Variants in FCRL6 observed in about 807,000 individuals in gnomAD.
FCRL6 encodes the protein Fc receptor-like protein 6.
FCRL6 carries 50 observed loss-of-function variants against 49.1 expected under a neutral mutation model. The ratio of observed to expected loss-of-function variants is 1.02; its 90% CI spans 0.81 to 1.29. FCRL6 has a LOEUF of 1.29. FCRL6 is among the 50% of genes most tolerant of loss of function. FCRL6 has a pLI of 0.00. For missense variants in FCRL6, 571 were observed against 518.5 expected (o/e 1.10, Z -0.98); for synonymous variants, 213 against 199.6 (o/e 1.07, Z -0.57).
In FCRL6 at chr1:159,808,455, A is replaced by G. The variant is rs1662854619; in HGVS notation, c.319+11A>G. The G allele has an allele frequency of 6.2e-7, 1 of 1,614,062 alleles. No individual in the cohort carries two copies. The highest frequency in any genetic ancestry group is 1.3e-5 in the African/African-American group (1 of 74,940). On this transcript the variant is annotated intron_variant, in intron 3 of 9. Coordinates refer to ENST00000368106, the MANE Select transcript of FCRL6 (RefSeq NM_001004310.3). Reference sequence around the variant, plus strand: ...TGGTTCAAGTCCAAGGTGAGTCACCAGCTTGGGAGTTTGTGGGGCAGGAGG... The same window carrying G: ...TGGTTCAAGTCCAAGGTGAGTCACCGGCTTGGGAGTTTGTGGGGCAGGAGG...
intron 1 of FCRL6, 111 bp from the exon 2 acceptor site, chr1:159,806,485 C>A: frequency 1.1e-6 from 1 of 926,566 alleles, no homozygotes; most frequent in Non-Finnish European, 1.8e-6. Flanking sequence ...GGTTTGGTGG[C>A]CGGGTGGTTG....
intron 1 of FCRL6, among the ~76,000 whole-genome samples, chr1:159,803,995 T>C (rs1480568591): frequency 2.6e-5 from 4 of 152,196 alleles, no homozygotes; most frequent in Non-Finnish European, 4.4e-5. Flanking sequence ...AATCCTGACA[T>C]TGAGCATGTG....
chr1:159,808,188 C>T lies in FCRL6; in HGVS notation c.63C>T (p.Tyr21=), dbSNP rs1571098060. 6.2e-7 allele frequency: 1 copy of T among 1,611,000 alleles called. No homozygotes were observed. Among genetic ancestry groups the T allele is most frequent in the South Asian group, 1.1e-5 (1 of 90,896 alleles). The change falls in exon 3 of 10, where the codon TAC becomes TAT. Residue 21 remains tyrosine (Y), a synonymous_variant. Transcript: ENST00000368106. The stretch of plus-strand genomic sequence containing the variant: ...TCCTCTGTCTCGCAGTCTGGCTGTA[C>T]CTCCAAGCCTGGCCAAACCCTGTGT... The part of the protein sequence containing the change: ...VPCVGKTVWL[Y]LQAWPNPVFE...
chr1:159,808,201 C>A lies in FCRL6; in HGVS notation c.76C>A (p.Pro26Thr). The stretch of plus-strand genomic sequence containing the variant: ...AGTCTGGCTGTACCTCCAAGCCTGG[C>A]CAAACCCTGTGTTTGAAGGAGATGC... ...KTVWLYLQAW[P>T]NPVFEGDALT... Residue 26 changes from proline (P) to threonine (T), a missense_variant, in exon 3 of 10, where the codon CCA becomes ACA. Coordinates refer to ENST00000368106, the MANE Select transcript of FCRL6 (RefSeq NM_001004310.3). The A allele has an allele frequency of 6.2e-7, 1 of 1,613,106 alleles. No homozygotes were observed. The highest frequency in any genetic ancestry group is 1.7e-4 in the Middle Eastern group (1 of 6,042).
Position 159,808,962 on chromosome 1 carries a change from G to A in FCRL6, c.321G>A (p.Glu107=), listed in dbSNP as rs772069683. 2.5e-6 allele frequency: 4 copies of A among 1,602,276 alleles called. No individual in the cohort carries two copies. In the East Asian group the frequency reaches 9.0e-5, roughly 36 times the overall value. The change falls in exon 4 of 10, where the codon GAG becomes GAA. Residue 107 remains glutamate (E), a splice_region_variant and synonymous_variant. Coordinates refer to ENST00000368106, the MANE Select transcript of FCRL6 (RefSeq NM_001004310.3). ...TSETAMVQVQ[E]LFPPPVLSAI... is the part of the protein sequence containing the mutation. ...AGTCCTGGGCCTGCATCTCCCCAGA[G>A]CTGTTTCCACCTCCTGTGCTGAGTG...
chr1:159,803,490 T>C (rs1221993852), intron 1 of FCRL6, among the ~76,000 whole-genome samples: 2 of 152,166 alleles, frequency 1.3e-5, no homozygotes, highest in Admixed American at 1.3e-4. Flanking sequence ...TTCTCCAGCA[T>C]AGCATGCTAC....
At position 159,809,430 on chromosome 1, in the gene FCRL6, G is replaced by A; in HGVS notation, c.633G>A (p.Leu211=). 2.5e-6 allele frequency: 4 copies of A among 1,612,218 alleles called. No individual in the cohort carries two copies. The highest frequency in any genetic ancestry group is 3.4e-6 in the Non-Finnish European group (4 of 1,178,806). Residue 211 remains leucine (L), a synonymous_variant, in exon 5 of 10, where the codon CTG becomes CTA. Transcript: ENST00000368106. ...CTGTATCCCGTCCTGTGCTCACTCT[G>A]CACCACGGGCCTGCTGACCCTGCTG... ...QAPVSRPVLT[L]HHGPADPAVG...
intron 1 of FCRL6, among the ~76,000 whole-genome samples, chr1:159,805,185 T>C (rs1442068789): frequency 1.3e-5 from 2 of 152,090 alleles, no homozygotes; most frequent in African/African-American, 4.8e-5. Flanking sequence ...AAGAGACTCA[T>C]TGTTCTGCAC....
intron 1 of FCRL6, among the ~76,000 whole-genome samples, chr1:159,804,236 A>T (rs1662528373): frequency 6.6e-6 from 1 of 152,112 alleles, no homozygotes; most frequent in Admixed American, 6.5e-5. Flanking sequence ...GTGGTGAGAG[A>T]GTTCTTCATG....
chr1:159,809,996 C>T (rs1180250212), intron 5 of FCRL6, 98 bp from the exon 6 acceptor site: 5 of 1,447,516 alleles, frequency 3.5e-6, no homozygotes, highest in African/African-American at 2.8e-5. Context: ...AGACGGTTCC[C>T]CTAATATCAG....
intron 6 of FCRL6, among the ~76,000 whole-genome samples, 190 bp downstream of exon 6, chr1:159,810,406 C>G (rs1663023762): frequency 6.6e-6 from 1 of 152,188 alleles, no homozygotes; most frequent in Admixed American, 6.5e-5. Context: ...AAAACATATA[C>G]ACACATGCAC....
intron 8 of FCRL6, among the ~76,000 whole-genome samples, chr1:159,814,603 T>C (rs1378725257): frequency 2.0e-5 from 3 of 152,188 alleles, no homozygotes; most frequent in African/African-American, 7.2e-5. Context: ...ACTGTTACCA[T>C]GATAAGTGCA....
intron 2 of FCRL6, among the ~76,000 whole-genome samples, chr1:159,807,436 AG>A (rs766904791): frequency 9.4e-4 from 143 of 152,340 alleles, no homozygotes; most frequent in Non-Finnish European, 1.9e-3. Context: ...GACTGGGGAC[AG>A]GCTCAGCCTG....
At position 159,809,047 on chromosome 1, in the gene FCRL6, C is replaced by T. The variant is rs772776972; in HGVS notation, c.406C>T (p.Leu136=). The T allele has an allele frequency of 4.3e-6, 7 of 1,613,984 alleles. No individual in the cohort carries two copies. The East Asian group carries it at 1.3e-4, about 31-fold the overall frequency. ...GGTGACCCTGAGATGTCAGACAAAGCTGCACCCCCTGAGGTCAGCCTTGAG... is the reference window on the plus strand; with the variant it reads ...GGTGACCCTGAGATGTCAGACAAAGTTGCACCCCCTGAGGTCAGCCTTGAG... ...SLVTLRCQTK[L]HPLRSALRLL... is the part of the protein sequence containing the mutation. The change falls in exon 4 of 10, where the codon CTG becomes TTG. Residue 136 remains leucine (L), a synonymous_variant. Transcript: ENST00000368106.
At position 159,815,424 on chromosome 1, in the gene FCRL6, A is replaced by G. The variant is rs1364838079; in HGVS notation, c.1148-4A>G. 2 of 1,613,536 alleles carry G rather than the reference A, an allele frequency of 1.2e-6. No homozygotes were observed. Among genetic ancestry groups the G allele is most frequent in the Non-Finnish European group, 1.7e-6 (2 of 1,179,612 alleles). ...CCTGACCTGAGCTCATTCTTTCCCC[A>G]CAGCCAGGTCTGCTGAGTTCACCGT... On this transcript the variant is annotated splice_region_variant and splice_polypyrimidine_tract_variant and intron_variant, in intron 8 of 9. Transcript: ENST00000368106.
intron 6 of FCRL6, 147 bp from the exon 7 acceptor site, chr1:159,813,342 T>C (rs1557878581): frequency 3.1e-6 from 2 of 636,370 alleles, no homozygotes; most frequent in South Asian, 3.8e-5. Flanking sequence ...AAATCAACCA[T>C]GTCCAGACCT....
chr1:159,812,034 T>C (rs1663116220), intron 6 of FCRL6, among the ~76,000 whole-genome samples: 2 of 152,104 alleles, frequency 1.3e-5, no homozygotes, highest in South Asian at 4.1e-4. Context: ...CAAGATACCT[T>C]TCACAGGGAA....
intron 1 of FCRL6, among the ~76,000 whole-genome samples, chr1:159,805,047 T>A (rs1056040555): frequency 6.6e-6 from 1 of 152,212 alleles, no homozygotes; most frequent in Non-Finnish European, 1.5e-5. Flanking sequence ...GACAACTTGT[T>A]CAAGGTCGTA....
chr1:159,805,363 A>AT (rs10616063), intron 1 of FCRL6, among the ~76,000 whole-genome samples: 11,903 of 149,346 alleles, frequency 0.08, 870 homozygotes, highest in African/African-American at 0.19. Context: ...CCATTCTTGC[A>AT]TTTTTTTTTT....
Sources: gnomAD v4.1 joint callset for allele counts (sites outside exome capture counted in the v4.1 genomes callset) on GRCh38, gnomAD v4.1.1 for gene constraint, MANE v1.5 for transcripts, NCBI Gene and HGNC (gene_info 2026-07-23, HGNC 2026-07-21) for gene names.